The following CHTF8 variants were observed in gnomAD, a reference collection of about 807,000 sequenced individuals.
CHTF8 encodes the protein chromosome transmission fidelity factor 8, also known as chromosome transmission fidelity protein 8 homolog.
A neutral mutation model predicts 11.0 loss-of-function variants in CHTF8; 6 were observed. The observed-to-expected ratio is 0.55, with a 90% CI of 0.30 to 1.08. The LOEUF is 1.08. Ranked by LOEUF, CHTF8 falls within the 50% of genes least tolerant of loss-of-function variation. The pLI, the probability that CHTF8 is intolerant of heterozygous loss-of-function variation, is 0.07. For missense variants in CHTF8, 140 were observed against 153.1 expected (o/e 0.91, Z 0.45); for synonymous variants, 53 against 60.5 (o/e 0.88, Z 0.57).
intron 1 of CHTF8, among the ~76,000 whole-genome samples, chr16:69,125,131 C>T (rs1239967355): frequency 6.6e-6 from 1 of 152,128 alleles, no homozygotes; most frequent in Non-Finnish European, 1.5e-5. Context: ...CTCGAACTCC[C>T]AACCTCAGGT....
At position 69,120,768 on chromosome 16, in the gene CHTF8, G is replaced by T; in HGVS notation, c.142-119C>A. On this transcript the variant is annotated intron_variant, in intron 3 of 3. Transcript: ENST00000448552. The surrounding 1 kb of genome is among the most constrained non-coding windows in gnomAD (Gnocchi z 4.0). ...CACCTCCAATCCCTGGTCTGGCTCT[G>T]CCATTGTTGAGCAGCCACACTGGAC... is the stretch of plus-strand genomic sequence containing the variant. The T allele has an allele frequency of 1.1e-6, 1 of 907,526 alleles. No homozygotes were observed. The highest frequency in any genetic ancestry group is 1.7e-6 in the Non-Finnish European group (1 of 581,556). The allele number at this position is 907,526 out of a possible 1,614,324, so 56.2% of individuals were successfully genotyped here. A position where few individuals can be genotyped will look rare whatever the true frequency, so the allele number is the denominator to read the frequency against.
intron 1 of CHTF8, among the ~76,000 whole-genome samples, chr16:69,126,970 G>A (rs2152270821): frequency 6.6e-6 from 1 of 152,194 alleles, no homozygotes; most frequent in East Asian, 1.9e-4. Context: ...TATGAGGCCG[G>A]GCGCGGTGGC....
rs1437970594 is a variant in CHTF8 at position 69,120,141 on chromosome 16, A to G, written c.*284T>C. 2 of 701,268 alleles carry G rather than the reference A, an allele frequency of 2.9e-6. No individual in the cohort carries two copies. Among genetic ancestry groups the G allele is most frequent in the African/African-American group, 3.5e-5 (2 of 57,202 alleles). 43.4% of individuals were successfully genotyped at this position (701,268 alleles called of 1,614,324 possible). A position where few individuals can be genotyped will look rare whatever the true frequency, so the allele number is the denominator to read the frequency against. ...TGGGATTCATCCCTCTTGGAAAAGA[A>G]GCCATACTTGGGTCACGAGCACCAG... On this transcript the variant is annotated 3_prime_UTR_variant, in exon 4 of 4. Coordinates refer to ENST00000448552, the MANE Select transcript of CHTF8 (RefSeq NM_001039690.5). This position sits in a 1 kb window ranked among gnomAD's most constrained non-coding sequence, Gnocchi z 4.0.
chr16:69,122,045 C>CAAAGTGCTGGGATTACAGGTGTGA (rs1339181067), intron 1 of CHTF8, among the ~76,000 whole-genome samples: 20 of 152,282 alleles, frequency 1.3e-4, no homozygotes, highest in Middle Eastern at 6.8e-3. Context: ...CTCAGCCTCC[C>CAAAGTGCTGGGATTACAGGTGTGA]AAAGTGCTGG....
intron 1 of CHTF8, among the ~76,000 whole-genome samples, chr16:69,129,818 C>A (rs1962366281): frequency 6.6e-6 from 1 of 152,200 alleles, no homozygotes; most frequent in African/African-American, 2.4e-5. Context: ...GCAAAGTAAC[C>A]TATGGAAAGA....
At chr16:69,132,436 C>T in intron 1 of CHTF8, 48 bp downstream of exon 1, 1 of 176,120 alleles carries the variant, frequency 5.7e-6, no homozygotes, top group South Asian at 1.2e-4. Context: ...AATCCCGGCT[C>T]GGCCCTCGCT....
chr16:69,118,707 C>T lies in CHTF8; in HGVS notation c.*1718G>A, dbSNP rs1021780891. The T allele has an allele frequency of 2.2e-5, 14 of 650,152 alleles. No individual in the cohort carries two copies. Among genetic ancestry groups the T allele is most frequent in the African/African-American group, 7.3e-5 (4 of 55,152 alleles). 40.3% of individuals were successfully genotyped at this position (650,152 alleles called of 1,614,324 possible). A position where few individuals can be genotyped will look rare whatever the true frequency, so the allele number is the denominator to read the frequency against. On this transcript the variant is annotated 3_prime_UTR_variant, in exon 4 of 4. Coordinates refer to ENST00000448552, the MANE Select transcript of CHTF8 (RefSeq NM_001039690.5). ...ACATCTCACCTTCAGTCAAGAAAAA[C>T]GCAAAGGAAAAAGATGGCTCATTTG...
chr16:69,120,263 C>G lies in CHTF8; in HGVS notation c.*162G>C, dbSNP rs554038150. On this transcript the variant is annotated 3_prime_UTR_variant, in exon 4 of 4. Transcript: ENST00000448552. This position sits in a 1 kb window ranked among gnomAD's most constrained non-coding sequence, Gnocchi z 4.0. ...GGGGTCAGATTTCCACCAAGAGAAC[C>G]GGCCGCCATAAGGAAGGGATCCGAG... 2 of 729,094 alleles carry G rather than the reference C, an allele frequency of 2.7e-6. No homozygotes were observed. The highest frequency in any genetic ancestry group is 3.5e-5 in the African/African-American group (2 of 57,658). The allele number at this position is 729,094 out of a possible 1,614,324, so 45.2% of individuals were successfully genotyped here.
intron 1 of CHTF8, among the ~76,000 whole-genome samples, chr16:69,128,318 G>A (rs1962236271): frequency 6.6e-6 from 1 of 152,204 alleles, no homozygotes; most frequent in Admixed American, 6.5e-5. Context: ...CAGAGCCAGG[G>A]AGAGACTTCT....
intron 1 of CHTF8, among the ~76,000 whole-genome samples, chr16:69,128,072 G>A (rs1171899494): frequency 6.6e-5 from 10 of 152,060 alleles, no homozygotes; most frequent in African/African-American, 2.2e-4. Context: ...CTGCCACCGC[G>A]CCTTGCTGAT....
chr16:69,131,209 T>C (rs1412063177), intron 1 of CHTF8: 1 of 152,130 alleles, frequency 6.6e-6, no homozygotes, highest in African/African-American at 2.4e-5. Context: ...ATTAGTGAAG[T>C]GTGTTCAAAA....
At chr16:69,121,344 C>A (rs1961640811) in intron 2 of CHTF8, 92 bp downstream of exon 2, 2 of 1,264,248 alleles carry the variant, frequency 1.6e-6, no homozygotes, top group East Asian at 4.6e-5. Context: ...GTACAAGATG[C>A]ACCTAAGGAC....
In CHTF8 at chr16:69,120,672, T is replaced by G. The variant is rs367684990; in HGVS notation, c.142-23A>C. The G allele has an allele frequency of 1.3e-6, 2 of 1,592,802 alleles. No individual in the cohort carries two copies. Among genetic ancestry groups the G allele is most frequent in the African/African-American group, 2.7e-5 (2 of 74,434 alleles). ...TCCCTTTGGCAGAACAAGAACGAGA[T>G]TCCTGAGGTTCCGGGGCAAGGCCAT... On this transcript the variant is annotated intron_variant, in intron 3 of 3. Coordinates refer to ENST00000448552, the MANE Select transcript of CHTF8 (RefSeq NM_001039690.5). This position sits in a 1 kb window ranked among gnomAD's most constrained non-coding sequence, Gnocchi z 4.0.
At chr16:69,123,036 G>A (rs1015966161) in intron 1 of CHTF8, among the ~76,000 whole-genome samples, 2 of 152,086 alleles carry the variant, frequency 1.3e-5, no homozygotes, top group Non-Finnish European at 2.9e-5. Context: ...TGGGATTATA[G>A]GCTTGAGCCA....
chr16:69,119,401 G>A lies in CHTF8; in HGVS notation c.*1024C>T. ...TGGCCTTGAGAAATGAGCTGAATTAGGGCCTATGGGGCCAGGAGCCCTTGA... is the reference window on the plus strand; with the variant it reads ...TGGCCTTGAGAAATGAGCTGAATTAAGGCCTATGGGGCCAGGAGCCCTTGA... On this transcript the variant is annotated 3_prime_UTR_variant, in exon 4 of 4. Coordinates refer to ENST00000448552, the MANE Select transcript of CHTF8 (RefSeq NM_001039690.5). 1 of 702,874 alleles carries A rather than the reference G, an allele frequency of 1.4e-6. No homozygotes were observed. Among genetic ancestry groups the A allele is most frequent in the Non-Finnish European group, 2.6e-6 (1 of 384,918 alleles). The allele number at this position is 702,874 out of a possible 1,614,324, so 43.5% of individuals were successfully genotyped here.
intron 1 of CHTF8, among the ~76,000 whole-genome samples, chr16:69,126,863 C>T (rs1962095725): frequency 6.6e-6 from 1 of 152,128 alleles, no homozygotes; most frequent in Non-Finnish European, 1.5e-5. Flanking sequence ...TTCTAGGGCA[C>T]AGTAGGTAGG....
In CHTF8 at chr16:69,119,042, G is replaced by C; in HGVS notation, c.*1383C>G. The C allele has an allele frequency of 1.4e-6, 1 of 703,068 alleles. No homozygotes were observed. The highest frequency in any genetic ancestry group is 1.5e-5 in the South Asian group (1 of 67,594). The allele number at this position is 703,068 out of a possible 1,614,324, so 43.6% of individuals were successfully genotyped here. ...AGGGTCCCAGTTGGCCTTGTGAAAG[G>C]AGCTGGGTTGATACCCACAGGGCCA... On this transcript the variant is annotated 3_prime_UTR_variant, in exon 4 of 4. Transcript: ENST00000448552.
chr16:69,128,550 A>T (rs1041955373), intron 1 of CHTF8, among the ~76,000 whole-genome samples: 1 of 152,322 alleles, frequency 6.6e-6, no homozygotes. Flanking sequence ...GAACTAAACA[A>T]TACATAAATT....
intron 1 of CHTF8, among the ~76,000 whole-genome samples, chr16:69,129,485 T>G (rs1962341297): frequency 6.6e-6 from 1 of 152,008 alleles, no homozygotes; most frequent in Non-Finnish European, 1.5e-5. Flanking sequence ...AACATTATTT[T>G]TATAATACAA....
Sources: gnomAD v4.1 joint callset for allele counts (sites outside exome capture counted in the v4.1 genomes callset) on GRCh38, gnomAD v4.1.1 for gene constraint, Gnocchi (gnomAD v3.1) non-coding constraint, MANE v1.5 for transcripts, NCBI Gene and HGNC (gene_info 2026-07-23, HGNC 2026-07-21) for gene names.